The following PREX1 variants were observed in gnomAD, a reference collection of about 807,000 sequenced individuals.
PREX1 encodes phosphatidylinositol-3,4,5-trisphosphate dependent Rac exchange factor 1.
PREX1 carries 41 observed loss-of-function variants against 198.3 expected under a neutral mutation model. That is an observed-to-expected ratio of 0.21 (90% CI 0.16 to 0.27). The LOEUF (loss-of-function observed/expected upper bound fraction) is 0.27. Ranked by LOEUF, PREX1 falls within the 10% of genes least tolerant of loss-of-function variation. PREX1 has a pLI of 1.00. For missense variants in PREX1, 1,620 were observed against 2,200.7 expected (o/e 0.74, Z 5.28); for synonymous variants, 843 against 887.2 (o/e 0.95, Z 0.89).
At chr20:48,652,277 A>G (rs1249245680) in intron 21 of PREX1, among the ~76,000 whole-genome samples, 1 of 149,750 alleles carries the variant, frequency 6.7e-6, no homozygotes, top group African/African-American at 2.5e-5. Context: ...TAAAAAAAAA[A>G]CTCTAAAATT....
intron 7 of PREX1, among the ~76,000 whole-genome samples, chr20:48,693,287 T>C (rs1363984458): frequency 6.6e-6 from 1 of 152,144 alleles, no homozygotes; most frequent in African/African-American, 2.4e-5. Flanking sequence ...CCCACTCCTA[T>C]AGTCTAAATG....
chr20:48,873,980 C>G, the PREX1 span, among the ~76,000 whole-genome samples: 1 of 152,148 alleles, frequency 6.6e-6, no homozygotes, highest in South Asian at 2.1e-4. Flanking sequence ...ACCTCCTGGG[C>G]TCAAGCAATC....
At chr20:48,864,691 T>C in the PREX1 span, among the ~76,000 whole-genome samples, 1 of 152,154 alleles carries the variant, frequency 6.6e-6, no homozygotes, top group Non-Finnish European at 1.5e-5. Flanking sequence ...AGATGGAGGG[T>C]TAGGGACAGA....
At chr20:48,823,832 G>A (rs541517654) in intron 1 of PREX1, among the ~76,000 whole-genome samples, 1 of 152,102 alleles carries the variant, frequency 6.6e-6, no homozygotes, top group Non-Finnish European at 1.5e-5. Context: ...TGAGTTGTGG[G>A]GTCAGGCAGC....
chr20:48,868,602 C>G, the PREX1 span, among the ~76,000 whole-genome samples: 1 of 151,980 alleles, frequency 6.6e-6, no homozygotes, highest in Non-Finnish European at 1.5e-5. Context: ...GTAAGAAAAA[C>G]CTGATTTTTT....
At chr20:48,804,403 G>C (rs376830324) in intron 1 of PREX1, among the ~76,000 whole-genome samples, 8 of 152,308 alleles carry the variant, frequency 5.3e-5, no homozygotes, top group African/African-American at 1.9e-4. Flanking sequence ...GGGAAGGCTG[G>C]GCTGAGAGGG....
chr20:48,874,294 G>A, the PREX1 span, among the ~76,000 whole-genome samples: 11 of 151,732 alleles, frequency 7.2e-5, no homozygotes, highest in African/African-American at 2.4e-4. Flanking sequence ...CTCTATAAAA[G>A]CACAAGAGGT....
At chr20:48,800,748 C>T (rs2090382868) in intron 1 of PREX1, among the ~76,000 whole-genome samples, 1 of 152,160 alleles carries the variant, frequency 6.6e-6, no homozygotes. Flanking sequence ...ACATACTGAA[C>T]ACGGGCCTTT....
intron 1 of PREX1, among the ~76,000 whole-genome samples, chr20:48,791,096 T>C (rs1378593327): frequency 6.6e-6 from 1 of 152,108 alleles, no homozygotes; most frequent in Non-Finnish European, 1.5e-5. Flanking sequence ...CAAGGAGATA[T>C]GCATGCAGAA....
chr20:48,676,358 G>A (rs187084364), intron 13 of PREX1, 90 bp from the exon 14 acceptor site: 36 of 1,212,272 alleles, frequency 3.0e-5, no homozygotes, highest in African/African-American at 2.2e-4. Context: ...ACGTGCCCAC[G>A]AGTCAAGGAT....
chr20:48,879,360 T>C, the PREX1 span, among the ~76,000 whole-genome samples: 156 of 152,234 alleles, frequency 1.0e-3, no homozygotes, highest in Non-Finnish European at 1.9e-3. Flanking sequence ...TGGTATTCAC[T>C]TGGGACCAGT....
chr20:48,687,879 C>T (rs2089794567), intron 10 of PREX1, among the ~76,000 whole-genome samples: 1 of 152,162 alleles, frequency 6.6e-6, no homozygotes, highest in African/African-American at 2.4e-5. Flanking sequence ...GGCTGTATTT[C>T]CCAAACAGAG....
intron 1 of PREX1, among the ~76,000 whole-genome samples, chr20:48,778,443 A>C (rs1485118142): frequency 1.3e-5 from 2 of 151,482 alleles, no homozygotes; most frequent in Admixed American, 1.3e-4. Context: ...AAAAAAAAAA[A>C]TTAGCCAGGC....
chr20:48,708,855 G>A (rs1456504917), intron 5 of PREX1, among the ~76,000 whole-genome samples: 1 of 152,050 alleles, frequency 6.6e-6, no homozygotes, highest in East Asian at 1.9e-4. Flanking sequence ...TGGAATAAAC[G>A]AGAGAGAGAA....
intron 19 of PREX1, 70 bp from the exon 20 acceptor site, chr20:48,653,567 C>T: frequency 1.3e-6 from 2 of 1,548,514 alleles, no homozygotes; most frequent in East Asian, 2.3e-5. Flanking sequence ...CACTGTCCCC[C>T]ACCACCCACC....
At chr20:48,634,430 A>G (rs1326041759) in intron 33 of PREX1, among the ~76,000 whole-genome samples, 2 of 152,226 alleles carry the variant, frequency 1.3e-5, no homozygotes, top group Non-Finnish European at 2.9e-5. Flanking sequence ...TACCAGTGTC[A>G]TTCTCTTTTA....
intron 18 of PREX1, 93 bp downstream of exon 18, chr20:48,656,947 C>A (rs751866547): frequency 7.8e-6 from 11 of 1,418,888 alleles, no homozygotes; most frequent in Non-Finnish European, 9.4e-6. Flanking sequence ...GTCCCAGCCA[C>A]GGGGGACCAG....
chr20:48,722,448 T>C (rs1391820574), intron 5 of PREX1, among the ~76,000 whole-genome samples: 1 of 152,128 alleles, frequency 6.6e-6, no homozygotes, highest in African/African-American at 2.4e-5. Flanking sequence ...CGGCAGGGGC[T>C]GGAGGAGGGG....
At chr20:48,794,396 CAG>C (rs1196786410) in intron 1 of PREX1, among the ~76,000 whole-genome samples, 1 of 152,208 alleles carries the variant, frequency 6.6e-6, no homozygotes, top group African/African-American at 2.4e-5. Context: ...GCTGGGAAGA[CAG>C]AGCTAACCAG....
Sources: gnomAD v4.1 joint callset for allele counts (sites outside exome capture counted in the v4.1 genomes callset) on GRCh38, gnomAD v4.1.1 for gene constraint, MANE v1.5 for transcripts, NCBI Gene and HGNC (gene_info 2026-07-23, HGNC 2026-07-21) for gene names.